Variants in PAFAH1B1 observed in about 807,000 individuals in gnomAD.
PAFAH1B1 encodes the protein platelet-activating factor acetylhydrolase IB subunit beta.
PAFAH1B1 carries 2 observed loss-of-function variants against 57.5 expected under a neutral mutation model. The observed-to-expected ratio is 0.03, with a 90% CI of 0.01 to 0.11. The LOEUF is 0.11. Ranked by LOEUF, PAFAH1B1 falls within the 10% of genes least tolerant of loss-of-function variation. PAFAH1B1 has a pLI of 1.00. For synonymous variants in PAFAH1B1, 152 were observed against 169.6 expected (o/e 0.90, Z 0.81); for missense variants, 257 against 512.0 (o/e 0.50, Z 4.81).
At position 2,670,518 on chromosome 17, in the gene PAFAH1B1, T is replaced by C. The variant is rs191061209; in HGVS notation, c.568+187T>C. ...TGAGAGTGCTTTCTATTAGGAAGTT[T>C]TAAGTATCTTTTAGTACTTTACATA... On this transcript the variant is annotated intron_variant, in intron 6 of 10. Coordinates refer to ENST00000397195, the MANE Select transcript of PAFAH1B1 (RefSeq NM_000430.4). 94 of 602,274 alleles carry C rather than the reference T, an allele frequency of 1.6e-4. 3 individuals carry two copies. In the East Asian group the frequency reaches 2.4e-3, roughly 15 times the overall value. 37.3% of individuals were successfully genotyped at this position (602,274 alleles called of 1,614,324 possible). A position where few individuals can be genotyped will look rare whatever the true frequency, so the allele number is the denominator to read the frequency against.
At chr17:2,679,495 TG>T (rs1567562870) in intron 9 of PAFAH1B1, among the ~76,000 whole-genome samples, 3 of 143,562 alleles carry the variant, frequency 2.1e-5, no homozygotes, top group Admixed American at 6.9e-5. Context: ...GATGGATGGA[TG>T]GATGATTGGA....
rs768786456 is a variant in PAFAH1B1, at chr17:2,683,660, T to C, written c.*1858T>C. 2 of 152,632 alleles carry C rather than the reference T, an allele frequency of 1.3e-5. No homozygotes were observed. The highest frequency in any genetic ancestry group is 1.5e-5 in the Non-Finnish European group (1 of 68,026). 9.5% of individuals were successfully genotyped at this position (152,632 alleles called of 1,614,324 possible). A position where few individuals can be genotyped will look rare whatever the true frequency, so the allele number is the denominator to read the frequency against. Reference sequence around the variant, plus strand: ...TATTTTTGAGGACAAAAATTACATCTTAAGCTAATTCCTTAAATACATACA... The same window carrying C: ...TATTTTTGAGGACAAAAATTACATCCTAAGCTAATTCCTTAAATACATACA... On this transcript the variant is annotated 3_prime_UTR_variant, in exon 11 of 11. Coordinates refer to ENST00000397195, the MANE Select transcript of PAFAH1B1 (RefSeq NM_000430.4).
chr17:2,646,471 G>T (rs571166525), intron 2 of PAFAH1B1, among the ~76,000 whole-genome samples: 1 of 152,158 alleles, frequency 6.6e-6, no homozygotes, highest in Non-Finnish European at 1.5e-5. Flanking sequence ...TGGCCAACAT[G>T]GTGAAGCCCC....
intron 1 of PAFAH1B1, chr17:2,613,699 G>T: frequency 3.5e-6 from 1 of 286,934 alleles, no homozygotes; most frequent in East Asian, 8.1e-5. Context: ...CATCATCCAT[G>T]GTCCACTTGC....
chr17:2,658,159 A>G (rs2068963401), intron 2 of PAFAH1B1, among the ~76,000 whole-genome samples: 1 of 152,216 alleles, frequency 6.6e-6, no homozygotes, highest in African/African-American at 2.4e-5. Flanking sequence ...GTTTTTTTCT[A>G]AGTGTCAGTC....
At chr17:2,673,992 TTA>T in intron 7 of PAFAH1B1, 66 bp from the exon 8 acceptor site, 2 of 1,112,494 alleles carry the variant, frequency 1.8e-6, no homozygotes, top group African/African-American at 3.1e-5. Context: ...GTACATATTT[TTA>T]TATCACTTCT....
rs185205807 is a variant in PAFAH1B1 at position 2,671,247 on chromosome 17, C to T, written c.568+916C>T. Among the ~76,000 whole-genome samples the T allele has an allele frequency of 1.3e-3, 192 of 151,884 alleles. 3 individuals are homozygous for T. The highest frequency in any genetic ancestry group is 0.012 in the South Asian group (58 of 4,810). The stretch of plus-strand genomic sequence containing the variant: ...TTTTTGAGACTGTGTCTCACTCTGT[C>T]GCCCAGGCTGGAGTGCAGTGGCACA... On this transcript the variant is annotated intron_variant, in intron 6 of 10. Transcript: ENST00000397195.
At chr17:2,626,774 T>C (rs916018311) in intron 1 of PAFAH1B1, among the ~76,000 whole-genome samples, 48 of 152,014 alleles carry the variant, frequency 3.2e-4, no homozygotes, top group African/African-American at 1.1e-3. Context: ...AGGCTGGTCT[T>C]GAAGTCCAGA....
At chr17:2,619,397 T>TA (rs1196173429) in intron 1 of PAFAH1B1, among the ~76,000 whole-genome samples, 4 of 152,064 alleles carry the variant, frequency 2.6e-5, no homozygotes, top group East Asian at 1.9e-4. Context: ...CCTGGCTAAT[T>TA]AAAAAAAATT....
At chr17:2,672,627 C>G (rs1472918157) in intron 6 of PAFAH1B1, 28 bp from the exon 7 acceptor site, 1 of 1,379,074 alleles carries the variant, frequency 7.3e-7, no homozygotes, top group African/African-American at 1.4e-5. Flanking sequence ...TATATTACTT[C>G]ATAATATATT....
In PAFAH1B1 at chr17:2,684,450, CTT is replaced by C. The variant is rs1198903151; in HGVS notation, c.*2650_*2651del. The stretch of plus-strand genomic sequence containing the variant: ...TTAGAGGTTCACTGCTGCTTTGTCA[CTT>C]TCTCAATCAAATTGGCCACTTAAGA... On this transcript the variant is annotated 3_prime_UTR_variant, in exon 11 of 11. Coordinates refer to ENST00000397195, the MANE Select transcript of PAFAH1B1 (RefSeq NM_000430.4). 1 of 152,646 alleles carries C rather than the reference CTT, an allele frequency of 6.6e-6. No individual in the cohort carries two copies. The highest frequency in any genetic ancestry group is 1.5e-5 in the Non-Finnish European group (1 of 68,078). The allele number at this position is 152,646 out of a possible 1,614,324, so 9.5% of individuals were successfully genotyped here. A position where few individuals can be genotyped will look rare whatever the true frequency, so the allele number is the denominator to read the frequency against.
intron 2 of PAFAH1B1, among the ~76,000 whole-genome samples, chr17:2,657,651 C>A (rs1217388176): frequency 6.6e-6 from 1 of 152,206 alleles, no homozygotes. Context: ...GTAATACTTA[C>A]TATTTCCTTT....
chr17:2,630,939 A>C (rs1335517742), intron 1 of PAFAH1B1, among the ~76,000 whole-genome samples: 1 of 152,234 alleles, frequency 6.6e-6, no homozygotes, highest in East Asian at 1.9e-4. Context: ...AATATCATTC[A>C]GTCATTAAAA....
Position 2,662,442 on chromosome 17 carries a change from C to T in PAFAH1B1, c.33-2930C>T, listed in dbSNP as rs528399069. Among the ~76,000 whole-genome samples, 19 of 147,256 alleles carry T rather than the reference C, an allele frequency of 1.3e-4. No homozygotes were observed. In the East Asian group the frequency reaches 3.2e-3, roughly 25 times the overall value. On this transcript the variant is annotated intron_variant, in intron 2 of 10. Coordinates refer to ENST00000397195, the MANE Select transcript of PAFAH1B1 (RefSeq NM_000430.4). ...TGTGTGTGACGGAGTTTCACTCTGT[C>T]ATCCAGGCTGGAGTGCAGTGACGCA...
At chr17:2,652,845 T>C (rs1186441197) in intron 2 of PAFAH1B1, among the ~76,000 whole-genome samples, 2 of 152,202 alleles carry the variant, frequency 1.3e-5, no homozygotes, top group South Asian at 2.1e-4. Context: ...TCAACCGTTA[T>C]GGAAGTCAGT....
At chr17:2,625,218 C>G (rs986657455) in intron 1 of PAFAH1B1, among the ~76,000 whole-genome samples, 3 of 152,080 alleles carry the variant, frequency 2.0e-5, no homozygotes, top group Non-Finnish European at 4.4e-5. Context: ...CAACAGTGTC[C>G]TTGATATCAG....
At chr17:2,608,978 G>T (rs562614053) in intron 1 of PAFAH1B1, among the ~76,000 whole-genome samples, 1 of 152,222 alleles carries the variant, frequency 6.6e-6, no homozygotes, top group African/African-American at 2.4e-5. Flanking sequence ...CTAGCCAGGG[G>T]TTGAATACTG....
intron 2 of PAFAH1B1, among the ~76,000 whole-genome samples, chr17:2,663,099 G>A (rs1003444684): frequency 8.6e-5 from 13 of 151,540 alleles, no homozygotes; most frequent in Non-Finnish European, 1.5e-5. Flanking sequence ...GGCAATAAGA[G>A]TGAAACTCTG....
chr17:2,665,530 T>TA, intron 3 of PAFAH1B1, 74 bp downstream of exon 3: 1 of 869,384 alleles, frequency 1.2e-6, no homozygotes, highest in Non-Finnish European at 1.9e-6. Flanking sequence ...AGTTAACAGT[T>TA]ACGCACAATT....
Sources: allele counts gnomAD v4.1 joint callset (sites outside exome capture counted in the v4.1 genomes callset), GRCh38; gene constraint gnomAD v4.1.1; transcripts MANE v1.5; gene names NCBI Gene and HGNC (gene_info 2026-07-23, HGNC 2026-07-21).